The following SCAF8 variants were observed in gnomAD, a reference collection of about 807,000 sequenced individuals.
The protein encoded by SCAF8 is SR-related CTD associated factor 8.
In SCAF8, 23 loss-of-function variants were observed where a neutral mutation model predicts 140.5. The observed-to-expected ratio is 0.16, with a 90% CI of 0.12 to 0.23. The LOEUF (loss-of-function observed/expected upper bound fraction) is 0.23, where lower values mean the gene tolerates loss of function less well. Ranked by LOEUF, SCAF8 falls within the 10% of genes least tolerant of loss-of-function variation. SCAF8 has a pLI of 1.00. For synonymous variants in SCAF8, 575 were observed against 528.9 expected (o/e 1.09, Z -1.20); for missense variants, 1,397 against 1,555.7 (o/e 0.90, Z 1.72).
chr6:154,793,497 CAAAAATTTTTAT>C (rs1489350965), intron 5 of SCAF8, among the ~76,000 whole-genome samples: 8 of 150,186 alleles, frequency 5.3e-5, no homozygotes, highest in Non-Finnish European at 1.0e-4. Context: ...ATAATTTTTT[CAAAAATTTTTAT>C]GAAAAAATTT....
chr6:154,780,979 A>G (rs1049678716), intron 3 of SCAF8, among the ~76,000 whole-genome samples: 5 of 152,088 alleles, frequency 3.3e-5, no homozygotes, highest in African/African-American at 1.2e-4. Flanking sequence ...ACTAATTTAC[A>G]TTCCCACCAA....
intron 4 of SCAF8, among the ~76,000 whole-genome samples, chr6:154,791,873 A>G (rs931548016): frequency 1.3e-5 from 2 of 152,118 alleles, no homozygotes; most frequent in African/African-American, 4.8e-5. Flanking sequence ...GGGATGGGCA[A>G]TGTTGAGACT....
chr6:154,823,662 C>T (rs569183452), intron 16 of SCAF8, among the ~76,000 whole-genome samples: 1 of 152,216 alleles, frequency 6.6e-6, no homozygotes, highest in South Asian at 2.1e-4. Flanking sequence ...TTGGGAAGGA[C>T]GACTGGAAAA....
rs1162082632 is a variant in SCAF8, at chr6:154,784,153, ATATATT to A, written c.160-3704_160-3699del. 1.7e-4 allele frequency among the ~76,000 whole-genome samples: 19 copies of A among 109,348 alleles called. No individual in the cohort carries two copies. The South Asian group carries it at 1.9e-3, about 11-fold the overall frequency. The allele number at this position is 109,348 out of a possible 152,430, so 71.7% of individuals were successfully genotyped here. A position where few individuals can be genotyped will look rare whatever the true frequency, so the allele number is the denominator to read the frequency against. On this transcript the variant is annotated intron_variant, in intron 3 of 19. Transcript: ENST00000367178. ...TATATATATATATATATATATATAT[ATATATT>A]TATTTATTTATTTTTCATGTAGGGT...
chr6:154,809,547 T>C (rs1778025824), intron 11 of SCAF8, among the ~76,000 whole-genome samples: 1 of 152,180 alleles, frequency 6.6e-6, no homozygotes, highest in Non-Finnish European at 1.5e-5. Context: ...TGAAGAGAGC[T>C]CAATGGCATG....
intron 3 of SCAF8, among the ~76,000 whole-genome samples, chr6:154,783,582 G>A (rs1777147866): frequency 6.6e-6 from 1 of 152,130 alleles, no homozygotes; most frequent in South Asian, 2.1e-4. Flanking sequence ...ATGAAAAGAT[G>A]GTGCTAAACT....
chr6:154,830,884 C>G (rs1161059611), intron 18 of SCAF8, 38 bp from the exon 19 acceptor site: 1 of 1,500,438 alleles, frequency 6.7e-7, no homozygotes, highest in African/African-American at 1.4e-5. Flanking sequence ...TGAATTGACT[C>G]ATTAAATCTG....
intron 4 of SCAF8, among the ~76,000 whole-genome samples, chr6:154,790,203 A>G (rs1383694849): frequency 1.3e-5 from 2 of 152,188 alleles, no homozygotes; most frequent in African/African-American, 4.8e-5. Flanking sequence ...GTTTTAAAGT[A>G]TATGATGGGT....
At chr6:154,737,668 C>G (rs1778459948) in intron 1 of SCAF8, among the ~76,000 whole-genome samples, 1 of 152,066 alleles carries the variant, frequency 6.6e-6, no homozygotes, top group South Asian at 2.1e-4. Context: ...CACCACTACA[C>G]TCTGGCCCGG....
intron 1 of SCAF8, among the ~76,000 whole-genome samples, chr6:154,760,837 G>A (rs1776364240): frequency 2.0e-5 from 3 of 152,138 alleles, no homozygotes; most frequent in Admixed American, 2.0e-4. Context: ...AGGCTGGAGT[G>A]CAGTGGCATG....
intron 1 of SCAF8, among the ~76,000 whole-genome samples, chr6:154,757,743 A>G (rs1246411796): frequency 6.6e-6 from 1 of 152,164 alleles, no homozygotes; most frequent in Non-Finnish European, 1.5e-5. Flanking sequence ...GTATCTGCAT[A>G]TGTGTGCACA....
intron 1 of SCAF8, among the ~76,000 whole-genome samples, chr6:154,741,669 A>T (rs147406770): frequency 2.0e-3 from 311 of 152,176 alleles, no homozygotes; most frequent in African/African-American, 7.1e-3. Flanking sequence ...GGCCTCCCAA[A>T]GTGCTGGGAT....
chr6:154,823,723 A>G lies in SCAF8; in HGVS notation c.1927-511A>G, dbSNP rs191528716. Among the ~76,000 whole-genome samples, 97 of 152,326 alleles carry G rather than the reference A, an allele frequency of 6.4e-4. 1 individual carries two copies. Among genetic ancestry groups the G allele is most frequent in the African/African-American group, 2.1e-3 (88 of 41,588 alleles). On this transcript the variant is annotated intron_variant, in intron 16 of 19. Coordinates refer to ENST00000367178, the MANE Select transcript of SCAF8 (RefSeq NM_014892.5). ...GTAGAAGTATCTTTCTGTCAGCACAATTGGGATGTTGAATAGACACTTGAT... is the reference window on the plus strand; with the variant it reads ...GTAGAAGTATCTTTCTGTCAGCACAGTTGGGATGTTGAATAGACACTTGAT...
intron 2 of SCAF8, 120 bp downstream of exon 2, chr6:154,774,192 T>C: frequency 1.4e-6 from 1 of 699,380 alleles, no homozygotes; most frequent in South Asian, 1.9e-5. Flanking sequence ...TAACACATAT[T>C]GTGGAAAAAC....
chr6:154,802,052 G>C lies in SCAF8; in HGVS notation c.688G>C (p.Val230Leu), dbSNP rs1777788011. Residue 230 changes from valine to leucine, a missense_variant, in exon 7 of 20, where the codon GTT becomes CTT. Val to Leu is a conservative substitution (Grantham distance 32, BLOSUM62 1). Coordinates refer to ENST00000367178, the MANE Select transcript of SCAF8 (RefSeq NM_014892.5). Reference sequence around the variant, plus strand: ...TCTGCAGGCCCTAGATGCTGGTCTTGTTGTTCAGTTGCAAGCTCTTACGGC... The same window carrying C: ...TCTGCAGGCCCTAGATGCTGGTCTTCTTGTTCAGTTGCAAGCTCTTACGGC... ...SILQALDAGL[V>L]VQLQALTAQL... The C allele has an allele frequency of 6.2e-7, 1 of 1,613,378 alleles. No homozygotes were observed. Among genetic ancestry groups the C allele is most frequent in the Non-Finnish European group, 8.5e-7 (1 of 1,179,606 alleles).
chr6:154,795,068 G>A lies in SCAF8; in HGVS notation c.535G>A (p.Val179Ile), dbSNP rs1777561600. Residue 179 changes from valine (V) to isoleucine (I), a missense_variant, in exon 6 of 20, where the codon GTA (valine) becomes ATA (isoleucine). This residue lies in a region of SCAF8 where 339 missense variants were observed against 407.5 expected (regional missense o/e 0.83). Coordinates refer to ENST00000367178, the MANE Select transcript of SCAF8 (RefSeq NM_014892.5). ...NVVQGLPDPWVSQITNTDTLA... is the reference protein window; with the variant it reads ...NVVQGLPDPWISQITNTDTLA... ...GGTCCAAGGCTTACCTGATCCGTGGGTATCTCAGATAACAAATACAGATAC... is the reference window on the plus strand; with the variant it reads ...GGTCCAAGGCTTACCTGATCCGTGGATATCTCAGATAACAAATACAGATAC... 6 of 1,613,410 alleles carry A rather than the reference G, an allele frequency of 3.7e-6. No homozygotes were observed. The highest frequency in any genetic ancestry group is 5.1e-6 in the Non-Finnish European group (6 of 1,179,714).
At chr6:154,792,182 G>T (rs920880260) in intron 4 of SCAF8, among the ~76,000 whole-genome samples, 20 of 152,054 alleles carry the variant, frequency 1.3e-4, no homozygotes, top group African/African-American at 4.6e-4. Context: ...AAAGAAGAGG[G>T]AATGAAGAGA....
rs67493657 is a variant in SCAF8, at chr6:154,812,176, CTTT to C, written c.1420+1989_1420+1991del. Among the ~76,000 whole-genome samples, 257 of 106,374 alleles carry C rather than the reference CTTT, an allele frequency of 2.4e-3. 1 individual carries two copies. The highest frequency in any genetic ancestry group is 3.4e-3 in the Non-Finnish European group (187 of 55,292). The allele number at this position is 106,374 out of a possible 152,430, so 69.8% of individuals were successfully genotyped here. ...CTCCATTGTGCTTTGAAGATACTGC[CTTT>C]TTTTTTTTTTTTTTTTTTTTAAATA... On this transcript the variant is annotated intron_variant, in intron 12 of 19. Transcript: ENST00000367178.
In SCAF8 at chr6:154,789,527, G is replaced by A. The variant is rs532213534; in HGVS notation, c.321+1505G>A. Among the ~76,000 whole-genome samples the A allele has an allele frequency of 2.6e-5, 4 of 151,184 alleles. No homozygotes were observed. In the South Asian group the frequency reaches 6.3e-4, roughly 24 times the overall value. On this transcript the variant is annotated intron_variant, in intron 4 of 19. Transcript: ENST00000367178. ...TTAGTACTTTAATAATTCTGTGCAG[G>A]CAAAAGAATGCTTCTAATTTTTTTT...
Sources: allele counts gnomAD v4.1 joint callset (sites outside exome capture counted in the v4.1 genomes callset), GRCh38; gene constraint gnomAD v4.1.1; regional missense constraint gnomAD v4.1.1; transcripts MANE v1.5; gene names NCBI Gene and HGNC (gene_info 2026-07-23, HGNC 2026-07-21).